The following MYRIP variants were observed in gnomAD, a reference collection of about 807,000 sequenced individuals.
MYRIP encodes rab effector MyRIP.
A neutral mutation model predicts 98.0 loss-of-function variants in MYRIP; 49 were observed. The observed-to-expected ratio is 0.50, with a 90% confidence interval of 0.40 to 0.63. MYRIP has a LOEUF of 0.63. MYRIP is among the 30% of genes least tolerant of loss of function. The pLI is 0.00. For missense variants in MYRIP, 1,004 were observed against 1,058.2 expected (o/e 0.95, Z 0.71); for synonymous variants, 404 against 409.5 (o/e 0.99, Z 0.16).
At chr3:40,027,447 T>C (rs1947158612) in intron 2 of MYRIP, among the ~76,000 whole-genome samples, 2 of 152,058 alleles carry the variant, frequency 1.3e-5, no homozygotes, top group Admixed American at 1.3e-4. Flanking sequence ...AATACTAAGC[T>C]CTTTTTCTTT....
chr3:40,187,407 C>T (rs889966096), intron 9 of MYRIP, among the ~76,000 whole-genome samples: 5 of 152,298 alleles, frequency 3.3e-5, no homozygotes, highest in African/African-American at 7.2e-5. Context: ...AAAGCAGCCT[C>T]CTTCATTTAT....
Position 40,200,496 on chromosome 3 carries a change from A to G in MYRIP, c.1666-9358A>G, listed in dbSNP as rs891592514. ...GCCTCTCTATATAGGATTTTTAAAT[A>G]GGAGTCTGTTGGATATTAAGGATTA... On this transcript the variant is annotated intron_variant, in intron 10 of 16. Transcript: ENST00000302541. Among the ~76,000 whole-genome samples, 41 of 152,120 alleles carry G rather than the reference A, an allele frequency of 2.7e-4. 1 individual carries two copies. Among genetic ancestry groups the G allele is most frequent in the African/African-American group, 9.7e-4 (40 of 41,420 alleles).
chr3:39,820,155 C>A (rs1941061816), intron 1 of MYRIP, among the ~76,000 whole-genome samples: 1 of 152,176 alleles, frequency 6.6e-6, no homozygotes, highest in Non-Finnish European at 1.5e-5. Context: ...GTGCCCATGA[C>A]CTCGGGATCT....
At chr3:40,212,257 T>C (rs28524981) in intron 11 of MYRIP, among the ~76,000 whole-genome samples, 4,021 of 91,404 alleles carry the variant, frequency 0.044, 681 homozygotes, top group African/African-American at 0.13. Context: ...TATATATATA[T>C]ACACGTATAT....
chr3:40,098,959 C>G (rs1426536573), intron 3 of MYRIP, among the ~76,000 whole-genome samples: 1 of 151,884 alleles, frequency 6.6e-6, no homozygotes, highest in African/African-American at 2.4e-5. Flanking sequence ...TTAGGAATTT[C>G]AAGTCAAGAT....
chr3:39,951,592 T>C (rs934991012), intron 2 of MYRIP, among the ~76,000 whole-genome samples: 1 of 152,206 alleles, frequency 6.6e-6, no homozygotes, highest in Non-Finnish European at 1.5e-5. Context: ...TTCAATAAAC[T>C]TTGTGAACAT....
chr3:39,813,146 G>T lies in MYRIP; in HGVS notation c.-31+3230G>T, dbSNP rs192491717. Among the ~76,000 whole-genome samples, 7 of 152,332 alleles carry T rather than the reference G, an allele frequency of 4.6e-5. No individual in the cohort carries two copies. In the East Asian group the frequency reaches 1.4e-3, roughly 29 times the overall value. On this transcript the variant is annotated intron_variant, in intron 1 of 16. Coordinates refer to ENST00000302541, the MANE Select transcript of MYRIP (RefSeq NM_015460.4). ...GAAGGAATGAGTTCTCATTCCGAAG[G>T]CTGGTATCTCTTTTCACAGAGCCCT...
At chr3:40,111,612 A>G (rs1378701777) in intron 3 of MYRIP, among the ~76,000 whole-genome samples, 1 of 152,180 alleles carries the variant, frequency 6.6e-6, no homozygotes, top group Admixed American at 6.5e-5. Context: ...GACTGTGGAC[A>G]GTGCAGGAGT....
In MYRIP at chr3:39,996,896, A is replaced by G. The variant is rs532207666; in HGVS notation, c.111-47154A>G. 1.8e-4 allele frequency among the ~76,000 whole-genome samples: 27 copies of G among 152,364 alleles called. No individual in the cohort carries two copies. The South Asian group carries it at 5.4e-3, about 30-fold the overall frequency. Reference sequence around the variant, plus strand: ...TAAGAAACTCACTCAAAACTGCTCAACTACATGGAAACTGAACAACCTGCT... The same window carrying G: ...TAAGAAACTCACTCAAAACTGCTCAGCTACATGGAAACTGAACAACCTGCT... On this transcript the variant is annotated intron_variant, in intron 2 of 16. Coordinates refer to ENST00000302541, the MANE Select transcript of MYRIP (RefSeq NM_015460.4).
chr3:39,842,398 T>C (rs187814866), intron 1 of MYRIP, among the ~76,000 whole-genome samples: 13 of 152,304 alleles, frequency 8.5e-5, no homozygotes, highest in Non-Finnish European at 1.5e-4. Flanking sequence ...TGCTAGGCTC[T>C]GTGGGGTTGG....
At chr3:39,855,062 A>G (rs114781401) in intron 1 of MYRIP, among the ~76,000 whole-genome samples, 1,714 of 152,328 alleles carry the variant, frequency 0.011, 30 homozygotes, top group South Asian at 0.036. Flanking sequence ...AGTGAAGTAG[A>G]CTTCATGAGA....
intron 2 of MYRIP, among the ~76,000 whole-genome samples, chr3:40,042,809 G>A (rs1167123808): frequency 6.6e-6 from 1 of 152,138 alleles, no homozygotes; most frequent in African/African-American, 2.4e-5. Flanking sequence ...AGTTGAAACT[G>A]TCATAAGTTG....
intron 3 of MYRIP, among the ~76,000 whole-genome samples, chr3:40,090,298 A>C (rs1948717014): frequency 6.6e-6 from 1 of 152,090 alleles, no homozygotes; most frequent in Admixed American, 6.5e-5. Context: ...GCTGAAATTC[A>C]CCAAAGTTGT....
chr3:40,127,689 C>T (rs571338238), intron 3 of MYRIP, among the ~76,000 whole-genome samples: 2 of 152,322 alleles, frequency 1.3e-5, no homozygotes, highest in African/African-American at 4.8e-5. Context: ...GCTGTGCTAC[C>T]CAGACTCCCT....
At chr3:39,809,494 C>T (rs1478993520), upstream of MYRIP, 3 of 147,694 alleles carry the variant, frequency 2.0e-5, no homozygotes, top group East Asian at 5.9e-4. Context: ...CGCGGGCCGC[C>T]CCTCCCGCCG....
intron 2 of MYRIP, among the ~76,000 whole-genome samples, chr3:39,974,417 C>A (rs192691134): frequency 1.3e-3 from 205 of 152,140 alleles, no homozygotes; most frequent in African/African-American, 4.7e-3. Context: ...TAATAGCTTA[C>A]CAACCAAAAA....
chr3:40,056,916 C>A (rs1299791321), intron 3 of MYRIP, among the ~76,000 whole-genome samples: 1 of 152,170 alleles, frequency 6.6e-6, no homozygotes, highest in Non-Finnish European at 1.5e-5. Context: ...GTAGGGGTAG[C>A]AGTGCCCATC....
At chr3:39,872,913 A>G (rs1942848003) in intron 1 of MYRIP, among the ~76,000 whole-genome samples, 2 of 152,190 alleles carry the variant, frequency 1.3e-5, no homozygotes, top group Admixed American at 1.3e-4. Context: ...GAATCGCCAC[A>G]CTGACTTCCA....
intron 2 of MYRIP, among the ~76,000 whole-genome samples, chr3:39,933,262 T>A (rs1944582096): frequency 6.6e-6 from 1 of 152,176 alleles, no homozygotes; most frequent in Non-Finnish European, 1.5e-5. Context: ...TTGTTTATGT[T>A]TTATCTATGG....
Sources: gnomAD v4.1 joint callset for allele counts (sites outside exome capture counted in the v4.1 genomes callset) on GRCh38, gnomAD v4.1.1 for gene constraint, MANE v1.5 for transcripts, NCBI Gene and HGNC (gene_info 2026-07-23, HGNC 2026-07-21) for gene names.